The following FGF18 variants were observed in gnomAD, a reference collection of about 807,000 sequenced individuals.
The protein encoded by FGF18 is fibroblast growth factor 18.
A neutral mutation model predicts 23.0 loss-of-function variants in FGF18; 5 were observed. That is an observed-to-expected ratio of 0.22 (90% CI 0.11 to 0.46). The LOEUF (loss-of-function observed/expected upper bound fraction) is 0.46. Ranked by LOEUF, FGF18 falls within the 20% of genes least tolerant of loss-of-function variation. FGF18 has a pLI of 0.99. For synonymous variants in FGF18, 117 were observed against 118.9 expected (o/e 0.98, Z 0.10); for missense variants, 180 against 291.6 (o/e 0.62, Z 2.79).
rs1355102645 is a variant in FGF18, at chr5:171,434,849, G to A, written c.70-1244G>A. Among the ~76,000 whole-genome samples the A allele has an allele frequency of 6.6e-6, 1 of 151,376 alleles. No homozygotes were observed. The highest frequency in any genetic ancestry group is 1.5e-5 in the Non-Finnish European group (1 of 67,886). On this transcript the variant is annotated intron_variant, in intron 2 of 4. Transcript: ENST00000274625. The surrounding 1 kb of genome is among the most constrained non-coding windows in gnomAD (Gnocchi z 4.6). ...TTGATGGTGCTGCCAGTCTACTGGG[G>A]CCAAAAGACAAAACCCAGATAAGTG... is the stretch of plus-strand genomic sequence containing the variant.
Position 171,456,172 on chromosome 5 carries a change from G to A in FGF18, c.358-367G>A, listed in dbSNP as rs1184448820. Among the ~76,000 whole-genome samples the A allele has an allele frequency of 6.6e-6, 1 of 152,176 alleles. No homozygotes were observed. The highest frequency in any genetic ancestry group is 1.5e-5 in the Non-Finnish European group (1 of 68,028). ...CCAGTTTTAGCAAGAGCCCTGCTAA[G>A]TCAGTTTAGCAAGGATCCCCCACTC... On this transcript the variant is annotated intron_variant, in intron 4 of 4. Coordinates refer to ENST00000274625, the MANE Select transcript of FGF18 (RefSeq NM_003862.3). The surrounding 1 kb of genome is among the most constrained non-coding windows in gnomAD (Gnocchi z 6.1).
intron 2 of FGF18, among the ~76,000 whole-genome samples, chr5:171,426,602 A>G (rs1423999559): frequency 6.6e-6 from 1 of 152,202 alleles, no homozygotes; most frequent in East Asian, 1.9e-4. Context: ...GCCATTCAAA[A>G]TGCTGTTGTG....
intron 2 of FGF18, among the ~76,000 whole-genome samples, chr5:171,435,066 T>TG (rs1772226964): frequency 6.6e-6 from 1 of 152,154 alleles, no homozygotes; most frequent in African/African-American, 2.4e-5. Context: ...GCAAAGGCCC[T>TG]GGGGCAGGAG....
chr5:171,443,501 A>ATTTTTT (rs59576538), intron 3 of FGF18, among the ~76,000 whole-genome samples: 1,437 of 63,718 alleles, frequency 0.023, 283 homozygotes, highest in South Asian at 0.043. Context: ...TGTTATCATC[A>ATTTTTT]TTTTTTTTTT....
intron 3 of FGF18, among the ~76,000 whole-genome samples, chr5:171,445,268 G>T (rs1202075855): frequency 2.0e-5 from 3 of 152,132 alleles, no homozygotes; most frequent in Non-Finnish European, 4.4e-5. Context: ...GCCCTTTGCG[G>T]GTCCCATTGA....
chr5:171,449,981 A>T (rs559274049), intron 4 of FGF18, among the ~76,000 whole-genome samples: 1 of 151,748 alleles, frequency 6.6e-6, no homozygotes, highest in Non-Finnish European at 1.5e-5. Context: ...GGGTGTTCCA[A>T]TGGAAGGTGT....
intron 3 of FGF18, among the ~76,000 whole-genome samples, chr5:171,446,212 C>A (rs1467107370): frequency 6.6e-6 from 1 of 152,188 alleles, no homozygotes; most frequent in Non-Finnish European, 1.5e-5. Flanking sequence ...AGACCCTCCC[C>A]ATGCTGGGGT....
chr5:171,437,689 G>A (rs568625888), intron 3 of FGF18, among the ~76,000 whole-genome samples: 12 of 152,280 alleles, frequency 7.9e-5, no homozygotes, highest in Admixed American at 4.6e-4. Flanking sequence ...CTCCACAGAC[G>A]CCTGGCTGTG....
chr5:171,441,655 C>T (rs1409178446), intron 3 of FGF18, among the ~76,000 whole-genome samples: 2 of 152,238 alleles, frequency 1.3e-5, no homozygotes, highest in Non-Finnish European at 2.9e-5. Flanking sequence ...CACTATCTGT[C>T]TCCCGTGTTA....
chr5:171,456,811 C>T lies in FGF18; in HGVS notation c.*6C>T. On this transcript the variant is annotated 3_prime_UTR_variant, in exon 5 of 5. Transcript: ENST00000274625. This position sits in a 1 kb window ranked among gnomAD's most constrained non-coding sequence, Gnocchi z 6.1. The stretch of plus-strand genomic sequence containing the variant: ...GGCCCACACACCCTGCCTAGGCCAC[C>T]CCGCCGCGGCCCCTCAGGTCGCCCT... 6.2e-7 allele frequency: 1 copy of T among 1,600,248 alleles called. No individual in the cohort carries two copies. Among genetic ancestry groups the T allele is most frequent in the Non-Finnish European group, 8.5e-7 (1 of 1,171,562 alleles).
At chr5:171,423,420 CACCTGCCTGACATTGT>C (rs991346333) in intron 2 of FGF18, among the ~76,000 whole-genome samples, 1 of 152,230 alleles carries the variant, frequency 6.6e-6, no homozygotes, top group Non-Finnish European at 1.5e-5. Context: ...GCTCGGCCGG[CACCTGCCTGACATTGT>C]TCCTGCCGCC....
chr5:171,442,616 C>T (rs972154470), intron 3 of FGF18, among the ~76,000 whole-genome samples: 1 of 152,236 alleles, frequency 6.6e-6, no homozygotes, highest in Non-Finnish European at 1.5e-5. Flanking sequence ...TTGGGGAAAA[C>T]AAACCCACCC....
At chr5:171,429,102 A>G (rs1172478506) in intron 2 of FGF18, among the ~76,000 whole-genome samples, 1 of 152,188 alleles carries the variant, frequency 6.6e-6, no homozygotes, top group African/African-American at 2.4e-5. Flanking sequence ...GTCACAGGAA[A>G]GAGGCCAGAA....
intron 2 of FGF18, among the ~76,000 whole-genome samples, chr5:171,433,605 G>A (rs1772209916): frequency 6.6e-6 from 1 of 152,168 alleles, no homozygotes; most frequent in Non-Finnish European, 1.5e-5. Context: ...TCAGACCCGG[G>A]CTGTGAGTGG....
At chr5:171,420,906 G>A (rs915734009) in intron 2 of FGF18, among the ~76,000 whole-genome samples, 3 of 152,206 alleles carry the variant, frequency 2.0e-5, no homozygotes, top group African/African-American at 4.8e-5. Context: ...TTTTGAAGGC[G>A]CTTGCAGCAC....
intron 4 of FGF18, among the ~76,000 whole-genome samples, chr5:171,453,116 A>AT (rs1477917858): frequency 6.6e-6 from 1 of 152,206 alleles, no homozygotes; most frequent in Non-Finnish European, 1.5e-5. Flanking sequence ...GCCTGAACCA[A>AT]TTAAGTCAGA....
At chr5:171,454,173 A>G (rs1308952695) in intron 4 of FGF18, among the ~76,000 whole-genome samples, 1 of 152,146 alleles carries the variant, frequency 6.6e-6, no homozygotes, top group Non-Finnish European at 1.5e-5. Flanking sequence ...AGGAAGAAGA[A>G]TTGTCCAGGG....
At position 171,436,023 on chromosome 5, in the gene FGF18, G is replaced by C. The variant is rs1041619922; in HGVS notation, c.70-70G>C. 4.6e-6 allele frequency: 6 copies of C among 1,293,516 alleles called. No individual in the cohort carries two copies. The highest frequency in any genetic ancestry group is 6.1e-6 in the Non-Finnish European group (6 of 982,542). 80.1% of individuals were successfully genotyped at this position (1,293,516 alleles called of 1,614,324 possible). On this transcript the variant is annotated intron_variant, in intron 2 of 4. Transcript: ENST00000274625. The surrounding 1 kb of genome is among the most constrained non-coding windows in gnomAD (Gnocchi z 4.4). ...GAAGCCCTTGGTCTTTGTGGTGGAC[G>C]TGGCTGGCTCCTGCATGCAGTGGGC... is the stretch of plus-strand genomic sequence containing the variant.
In FGF18 at chr5:171,456,571, C is replaced by T. The variant is rs776960126; in HGVS notation, c.390C>T (p.Ile130=). ...GCACCAGCAAGGAGTGTGTGTTCAT[C>T]GAGAAGGTTCTGGAGAACAACTACA... ...PDGTSKECVF[I]EKVLENNYTA... is the part of the protein sequence containing the mutation. Residue 130 remains isoleucine, a synonymous_variant, in exon 5 of 5, where the codon ATC becomes ATT. Coordinates refer to ENST00000274625, the MANE Select transcript of FGF18 (RefSeq NM_003862.3). The surrounding 1 kb of genome is among the most constrained non-coding windows in gnomAD (Gnocchi z 6.1). 19 of 1,614,036 alleles carry T rather than the reference C, an allele frequency of 1.2e-5. No homozygotes were observed. Among genetic ancestry groups the T allele is most frequent in the East Asian group, 8.9e-5 (4 of 44,864 alleles).
Sources: gnomAD v4.1 joint callset for allele counts (sites outside exome capture counted in the v4.1 genomes callset) on GRCh38, gnomAD v4.1.1 for gene constraint, Gnocchi (gnomAD v3.1) non-coding constraint, MANE v1.5 for transcripts, NCBI Gene and HGNC (gene_info 2026-07-23, HGNC 2026-07-21) for gene names.